DGKG: variants seen among roughly 807,000 people sequenced by gnomAD.
The protein encoded by DGKG is diacylglycerol kinase gamma.
A neutral mutation model predicts 105.3 loss-of-function variants in DGKG; 78 were observed. The observed-to-expected ratio is 0.74, with a 90% CI of 0.62 to 0.89. The LOEUF (loss-of-function observed/expected upper bound fraction) is 0.89. Among genes scored for constraint, DGKG ranks in the 40% least tolerant of loss-of-function variants. The pLI, the probability that DGKG is intolerant of heterozygous loss-of-function variation, is 0.00. For missense variants in DGKG, 958 were observed against 1,020.1 expected (o/e 0.94, Z 0.83); for synonymous variants, 346 against 367.1 (o/e 0.94, Z 0.66).
chr3:186,251,621 G>T, intron 19 of DGKG, 138 bp downstream of exon 19: 1 of 916,162 alleles, frequency 1.1e-6, no homozygotes. Flanking sequence ...CCAAGTTTCA[G>T]AATGCTTGGA....
chr3:186,169,937 G>A (rs1411971004), intron 22 of DGKG, among the ~76,000 whole-genome samples: 1 of 152,208 alleles, frequency 6.6e-6, no homozygotes, highest in Non-Finnish European at 1.5e-5. Context: ...GTGAGTAAGA[G>A]ACTTAAGGAG....
intron 22 of DGKG, among the ~76,000 whole-genome samples, chr3:186,180,326 G>C (rs1717297942): frequency 6.6e-6 from 1 of 152,134 alleles, no homozygotes; most frequent in Non-Finnish European, 1.5e-5. Flanking sequence ...AAATGACAAA[G>C]CTGTGATTTC....
At chr3:186,218,728 G>A (rs1403539821) in intron 20 of DGKG, among the ~76,000 whole-genome samples, 1 of 152,022 alleles carries the variant, frequency 6.6e-6, no homozygotes, top group Non-Finnish European at 1.5e-5. Context: ...CCTGATTATT[G>A]GAATTGGCAA....
Position 186,148,375 on chromosome 3 carries a change from G to T in DGKG, c.*1715C>A. 1.0e-6 allele frequency: 1 copy of T among 985,436 alleles called. No individual in the cohort carries two copies. The allele number at this position is 985,436 out of a possible 1,614,324, so 61.0% of individuals were successfully genotyped here. A position where few individuals can be genotyped will look rare whatever the true frequency, so the allele number is the denominator to read the frequency against. On this transcript the variant is annotated 3_prime_UTR_variant, in exon 25 of 25. Transcript: ENST00000265022. ...GATGAGGTGACATGTGGAGAGTTCA[G>T]TCTGATGATCTGTTTAGTACCTTCG...
At chr3:186,258,959 T>G (rs907427727) in intron 16 of DGKG, among the ~76,000 whole-genome samples, 1 of 152,132 alleles carries the variant, frequency 6.6e-6, no homozygotes, top group Non-Finnish European at 1.5e-5. Context: ...TGCGGACACC[T>G]TGGGGGTGGA....
Position 186,196,137 on chromosome 3 carries a change from C to CTT in DGKG, c.1918-7760_1918-7759dup, listed in dbSNP as rs71164579. On this transcript the variant is annotated intron_variant, in intron 21 of 24. Transcript: ENST00000265022. ...AAAGGATCTCTCTCTCTTTTTCTTT[C>CTT]TTTTTTTTTTTTTTTTTTAAGACTG... Among the ~76,000 whole-genome samples the CTT allele has an allele frequency of 2.2e-3, 284 of 131,086 alleles. 1 individual carries two copies. The highest frequency in any genetic ancestry group is 2.5e-3 in the Non-Finnish European group (154 of 62,256). The allele number at this position is 131,086 out of a possible 152,430, so 86.0% of individuals were successfully genotyped here.
chr3:186,209,042 C>T (rs1031806736), intron 21 of DGKG, among the ~76,000 whole-genome samples: 4 of 149,818 alleles, frequency 2.7e-5, no homozygotes, highest in South Asian at 2.1e-4. Flanking sequence ...AGTCAAAGCA[C>T]GTGACTTTTT....
chr3:186,251,893 T>C lies in DGKG; in HGVS notation c.1627A>G (p.Ile543Val), dbSNP rs781411999. The C allele has an allele frequency of 2.5e-6, 4 of 1,593,222 alleles. No individual in the cohort carries two copies. The highest frequency in any genetic ancestry group is 2.3e-5 in the East Asian group (1 of 44,374). The change falls in exon 19 of 25, where the codon ATC becomes GTC. Residue 543 changes from isoleucine to valine, a missense_variant. Ile to Val is a conservative substitution (Grantham distance 29). Transcript: ENST00000265022. ...GGYEGGSLTKILKDIEQSPLV... is the reference protein window; with the variant it reads ...GGYEGGSLTKVLKDIEQSPLV... The stretch of plus-strand genomic sequence containing the variant: ...GGGCTCTGCTCAATGTCTTTCAGGA[T>C]TTTTGTCAAGCTGCCCCCTTCATAA...
chr3:186,157,329 T>G (rs1055607712), intron 24 of DGKG, among the ~76,000 whole-genome samples: 1 of 152,108 alleles, frequency 6.6e-6, no homozygotes, highest in African/African-American at 2.4e-5. Context: ...CTCATAGGGG[T>G]GAATGATTCT....
At chr3:186,179,711 G>A (rs1030410871) in intron 22 of DGKG, among the ~76,000 whole-genome samples, 2 of 152,148 alleles carry the variant, frequency 1.3e-5, no homozygotes, top group Non-Finnish European at 2.9e-5. Context: ...GTCAGATCCC[G>A]CCAGATGCCA....
At chr3:186,251,634 C>G in intron 19 of DGKG, 125 bp downstream of exon 19, 1 of 1,097,812 alleles carries the variant, frequency 9.1e-7, no homozygotes, top group Non-Finnish European at 1.3e-6. Context: ...TGCTTGGACC[C>G]AACTCAGGGC....
chr3:186,328,088 A>G (rs1725434891), intron 1 of DGKG, among the ~76,000 whole-genome samples: 1 of 152,182 alleles, frequency 6.6e-6, no homozygotes, highest in Non-Finnish European at 1.5e-5. Context: ...ATGGCCTGAC[A>G]AACACACCAT....
intron 16 of DGKG, among the ~76,000 whole-genome samples, chr3:186,259,349 T>C (rs1043311494): frequency 6.6e-5 from 10 of 151,380 alleles, no homozygotes; most frequent in Non-Finnish European, 1.2e-4. Flanking sequence ...CACAAGGCTG[T>C]ACTGTTCAGC....
intron 3 of DGKG, among the ~76,000 whole-genome samples, chr3:186,304,436 G>A (rs538383603): frequency 1.3e-4 from 20 of 152,286 alleles, no homozygotes; most frequent in African/African-American, 4.3e-4. Context: ...TACCTTGAGG[G>A]CACAGGCTCT....
intron 21 of DGKG, among the ~76,000 whole-genome samples, chr3:186,204,179 C>T (rs1718610749): frequency 6.6e-6 from 1 of 152,180 alleles, no homozygotes; most frequent in African/African-American, 2.4e-5. Context: ...GAGGCCAAGG[C>T]AGGTAGATCT....
chr3:186,213,404 T>C (rs1719131473), intron 20 of DGKG, among the ~76,000 whole-genome samples: 1 of 152,260 alleles, frequency 6.6e-6, no homozygotes, highest in African/African-American at 2.4e-5. Flanking sequence ...TAGATTTTCA[T>C]TTTCTATGCA....
At chr3:186,359,965 C>T (rs1053950609) in intron 1 of DGKG, among the ~76,000 whole-genome samples, 2 of 152,112 alleles carry the variant, frequency 1.3e-5, no homozygotes, top group Admixed American at 6.5e-5. Flanking sequence ...AAGGTACTTC[C>T]CCGCCCTTTT....
At chr3:186,305,953 A>G (rs1724216892) in intron 3 of DGKG, among the ~76,000 whole-genome samples, 1 of 152,208 alleles carries the variant, frequency 6.6e-6, no homozygotes, top group Non-Finnish European at 1.5e-5. Flanking sequence ...TGAGATGCCC[A>G]TTTGATTTTT....
At chr3:186,307,658 T>C (rs1487114539) in intron 2 of DGKG, among the ~76,000 whole-genome samples, 2 of 152,246 alleles carry the variant, frequency 1.3e-5, no homozygotes, top group African/African-American at 4.8e-5. Context: ...GGTGAGTCTT[T>C]GTCTATCATA....
Sources: allele counts gnomAD v4.1 joint callset (sites outside exome capture counted in the v4.1 genomes callset), GRCh38; gene constraint gnomAD v4.1.1; transcripts MANE v1.5; gene names NCBI Gene and HGNC (gene_info 2026-07-23, HGNC 2026-07-21).